Variants in KCNH1 observed in about 807,000 individuals in gnomAD.
The protein encoded by KCNH1 is voltage-gated delayed rectifier potassium channel KCNH1.
A neutral mutation model predicts 69.2 loss-of-function variants in KCNH1; 27 were observed. The ratio of observed to expected loss-of-function variants is 0.39; its 90% CI spans 0.29 to 0.54. The LOEUF is 0.54. Among genes scored for constraint, KCNH1 ranks in the 20% least tolerant of loss-of-function variants. KCNH1 has a pLI of 0.68. For synonymous variants in KCNH1, 456 were observed against 487.7 expected (o/e 0.93, Z 0.86); for missense variants, 798 against 1,261.6 (o/e 0.63, Z 5.57).
chr1:210,730,665 C>T (rs115360336), intron 10 of KCNH1, among the ~76,000 whole-genome samples: 1,869 of 152,072 alleles, frequency 0.012, 39 homozygotes, highest in African/African-American at 0.042. Context: ...TCTGAGCGCA[C>T]GGGAGGTCAG....
At chr1:210,771,233 T>C (rs1375005054) in intron 10 of KCNH1, among the ~76,000 whole-genome samples, 1 of 152,198 alleles carries the variant, frequency 6.6e-6, no homozygotes, top group East Asian at 1.9e-4. Context: ...TTTTCATGAA[T>C]AGCCACAAGC....
intron 6 of KCNH1, among the ~76,000 whole-genome samples, chr1:210,928,369 C>G (rs531840114): frequency 1.3e-5 from 2 of 152,234 alleles, no homozygotes; most frequent in South Asian, 4.2e-4. Flanking sequence ...AAAGTACTCT[C>G]TTAAACCACA....
intron 6 of KCNH1, among the ~76,000 whole-genome samples, chr1:210,970,962 C>A (rs1267340922): frequency 6.6e-6 from 1 of 152,132 alleles, no homozygotes; most frequent in Non-Finnish European, 1.5e-5. Flanking sequence ...ACAAAAACCA[C>A]CACATCAAAA....
intron 1 of KCNH1, among the ~76,000 whole-genome samples, chr1:211,125,211 G>A (rs1330911012): frequency 6.6e-6 from 1 of 152,182 alleles, no homozygotes; most frequent in African/African-American, 2.4e-5. Context: ...ACAAGCTGAA[G>A]GCAGCCAAAA....
chr1:211,103,488 A>G lies in KCNH1; in HGVS notation c.310+8T>C, dbSNP rs774046629. On this transcript the variant is annotated splice_region_variant and intron_variant, in intron 3 of 10. Transcript: ENST00000271751. The stretch of plus-strand genomic sequence containing the variant: ...AAAGGTATGGTTCAGAATGGTCTCA[A>G]TACTCACTGTTCTTCTTGTACATCA... The G allele has an allele frequency of 1.9e-6, 3 of 1,541,188 alleles. No individual in the cohort carries two copies. The highest frequency in any genetic ancestry group is 4.5e-5 in the East Asian group (2 of 44,504).
chr1:211,045,967 A>G (rs1690089174), intron 5 of KCNH1, among the ~76,000 whole-genome samples: 1 of 152,198 alleles, frequency 6.6e-6, no homozygotes, highest in Non-Finnish European at 1.5e-5. Context: ...TATTTCACTT[A>G]GCATAACGTC....
chr1:211,005,486 C>T (rs11806852), intron 6 of KCNH1, among the ~76,000 whole-genome samples: 21 of 151,950 alleles, frequency 1.4e-4, no homozygotes, highest in Non-Finnish European at 2.9e-4. Flanking sequence ...AAGTGAAAGA[C>T]TGGACTGAAG....
intron 7 of KCNH1, among the ~76,000 whole-genome samples, chr1:210,870,236 G>A (rs1324512983): frequency 1.3e-5 from 2 of 152,054 alleles, no homozygotes; most frequent in Non-Finnish European, 1.5e-5. Context: ...CTTGTGTCTG[G>A]AAGTAGAAAT....
At chr1:210,871,105 T>G (rs1189994713) in intron 7 of KCNH1, among the ~76,000 whole-genome samples, 2 of 152,122 alleles carry the variant, frequency 1.3e-5, no homozygotes, top group Middle Eastern at 6.8e-3. Flanking sequence ...ACCATCAGAG[T>G]GAACAGGCAA....
intron 10 of KCNH1, among the ~76,000 whole-genome samples, chr1:210,765,746 C>T (rs1310056555): frequency 6.6e-6 from 1 of 152,180 alleles, no homozygotes; most frequent in African/African-American, 2.4e-5. Flanking sequence ...CCGATACCAT[C>T]TTTTAGCCAA....
rs566962770 is a variant in KCNH1 at position 210,797,856 on chromosome 1, G to A, written c.1663-96C>T. On this transcript the variant is annotated intron_variant, in intron 8 of 10. Transcript: ENST00000271751. ...TAGGGGGAGGAGCAACATCCACTAC[G>A]CCAGACTGCACTCTTCTAACCAAAG... 1.3e-5 allele frequency: 18 copies of A among 1,389,712 alleles called. 1 individual carries two copies. The highest frequency in any genetic ancestry group is 5.4e-5 in the South Asian group (4 of 74,642). 86.1% of individuals were successfully genotyped at this position (1,389,712 alleles called of 1,614,324 possible).
At chr1:210,937,173 C>T (rs1407767799) in intron 6 of KCNH1, among the ~76,000 whole-genome samples, 2 of 152,168 alleles carry the variant, frequency 1.3e-5, no homozygotes, top group African/African-American at 4.8e-5. Flanking sequence ...ACTCATTTTT[C>T]CATCCATCGC....
chr1:210,746,211 C>T (rs1480642358), intron 10 of KCNH1, among the ~76,000 whole-genome samples: 2 of 152,112 alleles, frequency 1.3e-5, no homozygotes, highest in African/African-American at 4.8e-5. Flanking sequence ...ATGCAGCCTG[C>T]CAGACTCTGA....
intron 10 of KCNH1, among the ~76,000 whole-genome samples, chr1:210,772,541 C>T (rs765079720): frequency 4.6e-5 from 7 of 151,038 alleles, no homozygotes; most frequent in Non-Finnish European, 8.8e-5. Context: ...AGAATGGCTA[C>T]CTCTTTACAC....
intron 1 of KCNH1, among the ~76,000 whole-genome samples, chr1:211,111,637 G>T (rs1001188057): frequency 4.4e-5 from 6 of 137,362 alleles, no homozygotes; most frequent in African/African-American, 1.7e-4. Flanking sequence ...CCCCCGCCCC[G>T]TCTGGGAAGT....
chr1:210,753,017 G>A (rs1683313856), intron 10 of KCNH1, among the ~76,000 whole-genome samples: 1 of 152,076 alleles, frequency 6.6e-6, no homozygotes, highest in Non-Finnish European at 1.5e-5. Flanking sequence ...GGATCACCAG[G>A]AGCCACCAGA....
intron 9 of KCNH1, among the ~76,000 whole-genome samples, chr1:210,782,448 G>A (rs550963113): frequency 1.2e-4 from 19 of 152,190 alleles, no homozygotes; most frequent in African/African-American, 4.3e-4. Context: ...TGCCCTGGCC[G>A]GGCACAGTAG....
At chr1:210,720,536 CT>C (rs1157130513) in intron 10 of KCNH1, among the ~76,000 whole-genome samples, 1 of 152,132 alleles carries the variant, frequency 6.6e-6, no homozygotes, top group Non-Finnish European at 1.5e-5. Flanking sequence ...GGAATCTGTG[CT>C]GAAGACAAAG....
chr1:210,694,872 C>T (rs1681604686), intron 10 of KCNH1, among the ~76,000 whole-genome samples: 1 of 152,186 alleles, frequency 6.6e-6, no homozygotes, highest in South Asian at 2.1e-4. Context: ...GATAGTTGGT[C>T]CACATTTAAA....
Sources: allele counts gnomAD v4.1 joint callset (sites outside exome capture counted in the v4.1 genomes callset), GRCh38; gene constraint gnomAD v4.1.1; transcripts MANE v1.5; gene names NCBI Gene and HGNC (gene_info 2026-07-23, HGNC 2026-07-21).